The following PTAR1 variants were observed in gnomAD, a reference collection of about 807,000 sequenced individuals.
PTAR1 encodes the protein protein prenyltransferase alpha subunit repeat containing 1.
Under a neutral mutation model 45.5 loss-of-function variants are expected in PTAR1, and 17 were observed. The observed-to-expected ratio is 0.37, with a 90% confidence interval of 0.26 to 0.56. The LOEUF is 0.56. Among genes scored for constraint, PTAR1 ranks in the 20% least tolerant of loss-of-function variants. PTAR1 has a pLI of 0.77. For missense variants in PTAR1, 391 were observed against 476.3 expected (o/e 0.82, Z 1.67); for synonymous variants, 169 against 171.3 (o/e 0.99, Z 0.11).
chr9:69,712,931 T>A lies in PTAR1; in HGVS notation c.*5411A>T, dbSNP rs191510711. 31 of 152,206 alleles carry A rather than the reference T, an allele frequency of 2.0e-4. No individual in the cohort carries two copies. The highest frequency in any genetic ancestry group is 1.9e-3 in the Admixed American group (29 of 15,254). The allele number at this position is 152,206 out of a possible 1,614,324, so 9.4% of individuals were successfully genotyped here. A position where few individuals can be genotyped will look rare whatever the true frequency, so the allele number is the denominator to read the frequency against. On this transcript the variant is annotated 3_prime_UTR_variant, in exon 8 of 8. Coordinates refer to ENST00000340434, the MANE Select transcript of PTAR1 (RefSeq NM_001099666.2). The stretch of plus-strand genomic sequence containing the variant: ...TATCTACTAGCTACTGTACTGGTAA[T>A]AGTTTATAAAAAATACGATCTATAC...
At chr9:69,752,770 C>A (rs973696404) in intron 1 of PTAR1, among the ~76,000 whole-genome samples, 3 of 152,016 alleles carry the variant, frequency 2.0e-5, no homozygotes, top group African/African-American at 7.2e-5. Flanking sequence ...AAGGACAAAG[C>A]TGAAAGAGCA....
chr9:69,759,283 G>T (rs1298450836), intron 1 of PTAR1, among the ~76,000 whole-genome samples: 1 of 91,864 alleles, frequency 1.1e-5, no homozygotes, highest in African/African-American at 3.6e-5. Flanking sequence ...AGCTTCTCTT[G>T]AGAATGTTCT....
intron 1 of PTAR1, among the ~76,000 whole-genome samples, chr9:69,759,192 C>G (rs1483787529): frequency 6.6e-6 from 1 of 152,200 alleles, no homozygotes; most frequent in African/African-American, 2.4e-5. Context: ...TAACATGCTC[C>G]TTGTAACTAT....
chr9:69,735,744 A>T (rs887384798), intron 3 of PTAR1, among the ~76,000 whole-genome samples: 1 of 151,926 alleles, frequency 6.6e-6, no homozygotes, highest in African/African-American at 2.4e-5. Flanking sequence ...AGGGCTGATT[A>T]TTCATTTATT....
At chr9:69,728,969 G>A (rs980578142) in intron 5 of PTAR1, among the ~76,000 whole-genome samples, 7 of 152,116 alleles carry the variant, frequency 4.6e-5, no homozygotes, top group Admixed American at 3.9e-4. Context: ...GCCAAGCACT[G>A]TTTCAAACAC....
intron 2 of PTAR1, among the ~76,000 whole-genome samples, chr9:69,743,428 C>G (rs1330238): frequency 4.6e-5 from 7 of 152,058 alleles, no homozygotes; most frequent in Middle Eastern, 3.2e-3. Flanking sequence ...AATATTCTAG[C>G]TAACAATAAA....
Position 69,716,473 on chromosome 9 carries a change from C to T in PTAR1, c.*1869G>A, listed in dbSNP as rs374433760. 1.3e-5 allele frequency: 2 copies of T among 152,072 alleles called. No individual in the cohort carries two copies. The highest frequency in any genetic ancestry group is 4.8e-5 in the African/African-American group (2 of 41,414). 9.4% of individuals were successfully genotyped at this position (152,072 alleles called of 1,614,324 possible). A position where few individuals can be genotyped will look rare whatever the true frequency, so the allele number is the denominator to read the frequency against. On this transcript the variant is annotated 3_prime_UTR_variant, in exon 8 of 8. Coordinates refer to ENST00000340434, the MANE Select transcript of PTAR1 (RefSeq NM_001099666.2). ...TGTCTACTGGGGCCAGGCTAGACAA[C>T]TTTTCTGGCGTTCTTAAGTCTCAAC...
At chr9:69,721,443 G>A (rs1473497461) in intron 6 of PTAR1, among the ~76,000 whole-genome samples, 2 of 152,170 alleles carry the variant, frequency 1.3e-5, no homozygotes, top group Non-Finnish European at 2.9e-5. Context: ...TCTACTTCTG[G>A]TGAAGATGCT....
intron 4 of PTAR1, 34 bp from the exon 5 acceptor site, chr9:69,732,386 A>G (rs754436880): frequency 1.4e-6 from 2 of 1,439,882 alleles, no homozygotes; most frequent in Non-Finnish European, 9.8e-7. Flanking sequence ...GAGAACACAG[A>G]AAGAACATAA....
chr9:69,726,513 GAA>G (rs960615741), intron 5 of PTAR1, among the ~76,000 whole-genome samples: 2 of 151,944 alleles, frequency 1.3e-5, no homozygotes, highest in Admixed American at 1.3e-4. Context: ...CTGGAACAAA[GAA>G]AAAAACTTTA....
At chr9:69,728,891 A>G (rs1588454250) in intron 5 of PTAR1, among the ~76,000 whole-genome samples, 1 of 152,334 alleles carries the variant, frequency 6.6e-6, no homozygotes, top group East Asian at 1.9e-4. Context: ...CTTTTATAAA[A>G]AATACAAGAA....
chr9:69,743,745 T>C (rs1400547744), intron 2 of PTAR1, among the ~76,000 whole-genome samples: 2 of 152,198 alleles, frequency 1.3e-5, no homozygotes, highest in African/African-American at 2.4e-5. Flanking sequence ...GTATTGACTA[T>C]GGACAAAGAT....
At chr9:69,752,415 G>T (rs1294458043) in intron 1 of PTAR1, among the ~76,000 whole-genome samples, 1 of 151,892 alleles carries the variant, frequency 6.6e-6, no homozygotes, top group Non-Finnish European at 1.5e-5. Context: ...AGTGGCACAG[G>T]GATTTATCAA....
rs181332747 is a variant in PTAR1 at position 69,731,596 on chromosome 9, C to T, written c.642+543G>A. On this transcript the variant is annotated intron_variant, in intron 5 of 7. Coordinates refer to ENST00000340434, the MANE Select transcript of PTAR1 (RefSeq NM_001099666.2). ...GCTCTGCATTCAAATAACCCTGAGT[C>T]AGTGGAAAATACTGATCTCTAGATC... 1.1e-4 allele frequency among the ~76,000 whole-genome samples: 17 copies of T among 152,266 alleles called. No homozygotes were observed. In the East Asian group the frequency reaches 2.9e-3, roughly 26 times the overall value.
At chr9:69,741,579 G>T in intron 3 of PTAR1, 1 of 541,238 alleles carries the variant, frequency 1.8e-6, no homozygotes, top group Non-Finnish European at 3.3e-6. Flanking sequence ...AACTCAACAT[G>T]ACAATTTATA....
rs1439168013 is a variant in PTAR1, at chr9:69,716,293, T to C, written c.*2049A>G. On this transcript the variant is annotated 3_prime_UTR_variant, in exon 8 of 8. Coordinates refer to ENST00000340434, the MANE Select transcript of PTAR1 (RefSeq NM_001099666.2). ...GCTAAAAATCATAAACTTATGATTT[T>C]ATCCATAGAGGTCTAGGTGGACCTT... 6.6e-6 allele frequency: 1 copy of C among 152,158 alleles called. No individual in the cohort carries two copies. Among genetic ancestry groups the C allele is most frequent in the African/African-American group, 2.4e-5 (1 of 41,446 alleles). The allele number at this position is 152,158 out of a possible 1,614,324, so 9.4% of individuals were successfully genotyped here. A position where few individuals can be genotyped will look rare whatever the true frequency, so the allele number is the denominator to read the frequency against.
At chr9:69,721,251 C>A (rs1176667873) in intron 6 of PTAR1, among the ~76,000 whole-genome samples, 1 of 152,052 alleles carries the variant, frequency 6.6e-6, no homozygotes, top group Non-Finnish European at 1.5e-5. Flanking sequence ...TTGAGGAGTT[C>A]AAGACTTCAG....
chr9:69,735,968 A>AT (rs1056195110), intron 3 of PTAR1, among the ~76,000 whole-genome samples: 2 of 149,758 alleles, frequency 1.3e-5, no homozygotes, highest in East Asian at 1.9e-4. Flanking sequence ...TAAAATATAT[A>AT]TTTTTTTCTT....
intron 2 of PTAR1, among the ~76,000 whole-genome samples, chr9:69,750,529 A>G (rs1014430700): frequency 4.6e-5 from 7 of 151,624 alleles, no homozygotes; most frequent in Non-Finnish European, 8.8e-5. Context: ...AACTGATAAA[A>G]TCTGAACTGC....
Sources: gnomAD v4.1 joint callset for allele counts (sites outside exome capture counted in the v4.1 genomes callset) on GRCh38, gnomAD v4.1.1 for gene constraint, MANE v1.5 for transcripts, NCBI Gene and HGNC (gene_info 2026-07-23, HGNC 2026-07-21) for gene names.